Variants in UNC13B observed in about 807,000 individuals in gnomAD.
UNC13B encodes protein unc-13 homolog B.
UNC13B carries 144 observed loss-of-function variants against 211.0 expected under a neutral mutation model. The observed-to-expected ratio is 0.68, with a 90% CI of 0.60 to 0.78. The LOEUF is 0.78. Ranked by LOEUF, UNC13B falls within the 30% of genes least tolerant of loss-of-function variation. The pLI is 0.00. For synonymous variants in UNC13B, 709 were observed against 725.8 expected (o/e 0.98, Z 0.37); for missense variants, 1,777 against 2,002.0 (o/e 0.89, Z 2.14).
intron 18 of UNC13B, 146 bp from the exon 19 acceptor site, chr9:35,380,954 G>A (rs1416881472): frequency 2.7e-6 from 2 of 733,302 alleles, no homozygotes; most frequent in Non-Finnish European, 4.4e-6. Context: ...GGTCACTGGA[G>A]TGATTCACCC....
intron 11 of UNC13B, among the ~76,000 whole-genome samples, chr9:35,322,369 G>A (rs1322065328): frequency 1.3e-5 from 2 of 152,146 alleles, no homozygotes; most frequent in Admixed American, 6.5e-5. Flanking sequence ...TGTTCCAGGT[G>A]GAAGGGACAG....
At chr9:35,394,106 C>T (rs1835721318) in intron 26 of UNC13B, among the ~76,000 whole-genome samples, 1 of 151,966 alleles carries the variant, frequency 6.6e-6, no homozygotes, top group African/African-American at 2.4e-5. Flanking sequence ...ATTCCAGAGA[C>T]ATTTGGAGGT....
At chr9:35,252,016 C>A (rs1413236457) in intron 6 of UNC13B, among the ~76,000 whole-genome samples, 1 of 152,120 alleles carries the variant, frequency 6.6e-6, no homozygotes, top group African/African-American at 2.4e-5. Context: ...GCTGTAAAAT[C>A]ATTCACTTTC....
At chr9:35,376,542 A>G (rs901900625) in intron 15 of UNC13B, among the ~76,000 whole-genome samples, 1 of 152,232 alleles carries the variant, frequency 6.6e-6, no homozygotes, top group African/African-American at 2.4e-5. Context: ...TTTGTAGTGT[A>G]TACAGCACAG....
intron 5 of UNC13B, among the ~76,000 whole-genome samples, chr9:35,242,579 G>T (rs1825868653): frequency 6.6e-6 from 1 of 152,092 alleles, no homozygotes; most frequent in African/African-American, 2.4e-5. Flanking sequence ...TTAGTGTAAT[G>T]TCCTCAAAGT....
chr9:35,317,240 G>A (rs890048775), intron 11 of UNC13B, among the ~76,000 whole-genome samples: 4 of 152,056 alleles, frequency 2.6e-5, no homozygotes, highest in Admixed American at 6.6e-5. Flanking sequence ...TTACTCTGTC[G>A]CTTAGGCTGG....
chr9:35,208,409 T>C (rs1823783731), intron 1 of UNC13B, among the ~76,000 whole-genome samples: 1 of 152,186 alleles, frequency 6.6e-6, no homozygotes, highest in Admixed American at 6.5e-5. Flanking sequence ...AGACTATTAC[T>C]CTGTATTAGT....
In UNC13B at chr9:35,397,716, G is replaced by T. The variant is rs1314001083; in HGVS notation, c.11754+4G>T. 1.2e-6 allele frequency: 2 copies of T among 1,613,960 alleles called. No individual in the cohort carries two copies. The highest frequency in any genetic ancestry group is 2.2e-5 in the South Asian group (2 of 91,002). ...CTATTGCACAAAGGAGAAACTGGTA[G>T]GTTCAGGCCCTGGGACTCTTACAGA... On this transcript the variant is annotated splice_donor_region_variant and intron_variant, in intron 30 of 39. Coordinates refer to ENST00000635942, the MANE Select transcript of UNC13B (RefSeq NM_001371189.2).
intron 9 of UNC13B, 105 bp from the exon 10 acceptor site, chr9:35,310,362 G>C: frequency 8.0e-7 from 1 of 1,245,836 alleles, no homozygotes; most frequent in East Asian, 2.3e-5. Flanking sequence ...CCTCCTATTT[G>C]ATTCTTGCTA....
chr9:35,336,892 G>T (rs1341202701), intron 11 of UNC13B, among the ~76,000 whole-genome samples: 1 of 152,140 alleles, frequency 6.6e-6, no homozygotes, highest in Non-Finnish European at 1.5e-5. Context: ...CACTTGAAAA[G>T]GTTCCTACCT....
chr9:35,325,060 G>A (rs1830933525), intron 11 of UNC13B, among the ~76,000 whole-genome samples: 1 of 152,228 alleles, frequency 6.6e-6, no homozygotes, highest in African/African-American at 2.4e-5. Flanking sequence ...TGAGAGATAA[G>A]AGAAAGCGAA....
chr9:35,180,103 C>A (rs931446766), intron 1 of UNC13B, among the ~76,000 whole-genome samples: 1 of 152,184 alleles, frequency 6.6e-6, no homozygotes, highest in African/African-American at 2.4e-5. Flanking sequence ...GAAAGATACA[C>A]TTGAACACTT....
At chr9:35,335,082 CT>C (rs1216882718) in intron 11 of UNC13B, among the ~76,000 whole-genome samples, 1 of 152,126 alleles carries the variant, frequency 6.6e-6, no homozygotes, top group African/African-American at 2.4e-5. Flanking sequence ...TTACACGGCC[CT>C]AAGTAACTGA....
At chr9:35,183,132 G>T (rs1300115172) in intron 1 of UNC13B, among the ~76,000 whole-genome samples, 1 of 144,568 alleles carries the variant, frequency 6.9e-6, no homozygotes, top group African/African-American at 2.5e-5. Context: ...CAGACGGGGT[G>T]GCCGGGCAGA....
At chr9:35,352,703 GA>G in intron 11 of UNC13B, 2 of 1,232,120 alleles carry the variant, frequency 1.6e-6, no homozygotes, top group Non-Finnish European at 2.0e-6. Context: ...CAAGCTAGGG[GA>G]TGAAATAAAA....
intron 1 of UNC13B, among the ~76,000 whole-genome samples, chr9:35,209,352 C>T (rs2131409915): frequency 6.6e-6 from 1 of 151,962 alleles, no homozygotes; most frequent in South Asian, 2.1e-4. Flanking sequence ...GCATGAGCTA[C>T]CACGCCCAGC....
At chr9:35,394,140 C>A (rs1394889557) in intron 26 of UNC13B, among the ~76,000 whole-genome samples, 1 of 152,062 alleles carries the variant, frequency 6.6e-6, no homozygotes, top group Non-Finnish European at 1.5e-5. Flanking sequence ...GGCGATTTAA[C>A]TGGGTATGAA....
chr9:35,229,132 T>C (rs995805355), intron 2 of UNC13B, among the ~76,000 whole-genome samples: 4 of 152,176 alleles, frequency 2.6e-5, no homozygotes, highest in Non-Finnish European at 1.5e-5. Context: ...AGATTAAAAA[T>C]GGTATTTCCT....
At chr9:35,202,395 G>T (rs1823359954) in intron 1 of UNC13B, among the ~76,000 whole-genome samples, 2 of 152,118 alleles carry the variant, frequency 1.3e-5, no homozygotes, top group South Asian at 2.1e-4. Flanking sequence ...TTCAATTCCT[G>T]GATATCCTTG....
Sources: allele counts gnomAD v4.1 joint callset (sites outside exome capture counted in the v4.1 genomes callset), GRCh38; gene constraint gnomAD v4.1.1; transcripts MANE v1.5; gene names NCBI Gene and HGNC (gene_info 2026-07-23, HGNC 2026-07-21).